OTUD6A: variants seen among roughly 807,000 people sequenced by gnomAD.
OTUD6A encodes the protein OTU deubiquitinase 6A.
For synonymous variants in OTUD6A, 138 were observed against 120.2 expected (o/e 1.15, Z -0.97); for missense variants, 209 against 268.2 (o/e 0.78, Z 1.54).
rs780917824 is a variant in OTUD6A at position 70,062,535 on chromosome X, C to T, written c.11C>T (p.Pro4Leu). Residue 4 changes from proline to leucine, a missense_variant, in exon 1 of 1, where the codon CCG becomes CTG. Coordinates refer to ENST00000338352, the MANE Select transcript of OTUD6A (RefSeq NM_207320.3). MDD[P>L]KSEQQRILRR... is the part of the protein sequence containing the mutation. Reference sequence around the variant, plus strand: ...TTGCCATTCAACATCATGGATGATCCGAAGAGTGAACAGCAGCGCATACTG... The same window carrying T: ...TTGCCATTCAACATCATGGATGATCTGAAGAGTGAACAGCAGCGCATACTG... The T allele has an allele frequency of 1.7e-6, 2 of 1,206,252 alleles. No individual in the cohort carries two copies. Among genetic ancestry groups the T allele is most frequent in the Admixed American group, 4.4e-5 (2 of 45,299 alleles).
Position 70,062,865 on chromosome X carries a change from A to T in OTUD6A, c.341A>T (p.Gln114Leu). Residue 114 changes from glutamine to leucine, a missense_variant, in exon 1 of 1, where the codon CAG (glutamine) becomes CTG (leucine). By Grantham distance (113) the Gln-to-Leu change is moderately radical. Coordinates refer to ENST00000338352, the MANE Select transcript of OTUD6A (RefSeq NM_207320.3). ...AGGGAGCGCCAGGAGAGCATCTTCC[A>T]GGCTGAGATGTCGGAGCACCTGGCC... is the stretch of plus-strand genomic sequence containing the variant. ...EERERQESIFQAEMSEHLAGF... is the reference protein window; with the variant it reads ...EERERQESIFLAEMSEHLAGF... 8.4e-7 allele frequency: 1 copy of T among 1,191,790 alleles called. No homozygotes were observed. Among genetic ancestry groups the T allele is most frequent in the Non-Finnish European group, 1.1e-6 (1 of 885,630 alleles).
In OTUD6A at chrX:70,062,794, C is replaced by T; in HGVS notation, c.270C>T (p.Arg90=). 1 of 1,207,806 alleles carries T rather than the reference C, an allele frequency of 8.3e-7. No homozygotes were observed. Among genetic ancestry groups the T allele is most frequent in the Non-Finnish European group, 1.1e-6 (1 of 893,605 alleles). The part of the protein sequence containing the change: ...AKMNLENRPP[R]SSKAHRKRER... Reference sequence around the variant, plus strand: ...TGAATCTGGAAAACCGGCCTCCCCGCTCCTCCAAAGCCCACAGAAAGAGAG... The same window carrying T: ...TGAATCTGGAAAACCGGCCTCCCCGTTCCTCCAAAGCCCACAGAAAGAGAG... The change falls in exon 1 of 1, where the codon CGC becomes CGT. Residue 90 remains arginine (R), a synonymous_variant. Coordinates refer to ENST00000338352, the MANE Select transcript of OTUD6A (RefSeq NM_207320.3).
In OTUD6A at chrX:70,063,035, C is replaced by T. The variant is rs1602637072; in HGVS notation, c.511C>T (p.Arg171Cys). The T allele has an allele frequency of 8.3e-7, 1 of 1,210,124 alleles. No homozygotes were observed. Among genetic ancestry groups the T allele is most frequent in the South Asian group, 1.8e-5 (1 of 56,686 alleles). Residue 171 changes from arginine to cysteine, a missense_variant, in exon 1 of 1, where the codon CGC (arginine) becomes TGC (cysteine). Coordinates refer to ENST00000338352, the MANE Select transcript of OTUD6A (RefSeq NM_207320.3). ...GTTCAGCGTGTCTGTGGAGATGCTGCGCTGCCGCACCGCCAGCTACATGAA... is the reference window on the plus strand; with the variant it reads ...GTTCAGCGTGTCTGTGGAGATGCTGTGCTGCCGCACCGCCAGCTACATGAA... ...LVFSVSVEML[R>C]CRTASYMKKH...
chrX:70,063,038 T>C lies in OTUD6A; in HGVS notation c.514T>C (p.Cys172Arg), dbSNP rs1337732570. 2 of 1,211,686 alleles carry C rather than the reference T, an allele frequency of 1.7e-6. No individual in the cohort carries two copies. The highest frequency in any genetic ancestry group is 2.2e-6 in the Non-Finnish European group (2 of 895,490). Residue 172 changes from cysteine to arginine, a missense_variant, in exon 1 of 1, where the codon TGC (cysteine) becomes CGC (arginine). By Grantham distance (180) the Cys-to-Arg change is radical. Transcript: ENST00000338352. ...VFSVSVEMLRCRTASYMKKHV... is the reference protein window; with the variant it reads ...VFSVSVEMLRRRTASYMKKHV... ...CAGCGTGTCTGTGGAGATGCTGCGCTGCCGCACCGCCAGCTACATGAAGAA... is the reference window on the plus strand; with the variant it reads ...CAGCGTGTCTGTGGAGATGCTGCGCCGCCGCACCGCCAGCTACATGAAGAA...
rs756871870 is a variant in OTUD6A, at chrX:70,062,666, G to T, written c.142G>T (p.Val48Leu). The change falls in exon 1 of 1, where the codon GTG becomes TTG. Residue 48 changes from valine (V) to leucine (L), a missense_variant. Val to Leu is a conservative substitution (Grantham distance 32). Transcript: ENST00000338352. ...GAAAAGAAAGCAGTTGCTCCAAGAC[G>T]TGGCCCGCATGGAGGCCGAGATGGC... ...KTKRKQLLQD[V>L]ARMEAEMAQK... 7.4e-5 allele frequency: 90 copies of T among 1,209,932 alleles called. No homozygotes were observed. The highest frequency in any genetic ancestry group is 9.4e-5 in the Non-Finnish European group (84 of 895,110).
At position 70,063,100 on chromosome X, in the gene OTUD6A, C is replaced by T. The variant is rs377623358; in HGVS notation, c.576C>T (p.Pro192=). Residue 192 remains proline (P), a synonymous_variant, in exon 1 of 1, where the codon CCC becomes CCT. Transcript: ENST00000338352. ...VDEFLPFFSN[P]ETSDSFGYDD... ...AGTTCCTGCCCTTCTTCAGCAACCC[C>T]GAGACCAGCGACTCCTTCGGCTACG... 4 of 1,210,077 alleles carry T rather than the reference C, an allele frequency of 3.3e-6. No individual in the cohort carries two copies. The African/African-American group carries it at 7.0e-5, about 21-fold the overall frequency.
Position 70,062,923 on chromosome X carries a change from C to T in OTUD6A, c.399C>T (p.Ala133=), listed in dbSNP as rs533041517. The change falls in exon 1 of 1, where the codon GCC becomes GCT. Residue 133 remains alanine (A), a synonymous_variant. Transcript: ENST00000338352. The part of the protein sequence containing the change: ...GFKREEEEKL[A]AILGARGLEM... The stretch of plus-strand genomic sequence containing the variant: ...AGCGCGAGGAGGAGGAGAAGCTCGC[C>T]GCCATCCTGGGAGCCAGGGGTCTGG... 1.9e-4 allele frequency: 224 copies of T among 1,190,013 alleles called. 2 individuals carry two copies. In the South Asian group the frequency reaches 3.6e-3, roughly 19 times the overall value.
Position 70,062,857 on chromosome X carries a change from C to T in OTUD6A, c.333C>T (p.Ser111=). The change falls in exon 1 of 1, where the codon AGC becomes AGT. Residue 111 remains serine (S), a synonymous_variant. Transcript: ENST00000338352. ...MESEERERQE[S]IFQAEMSEHL... ...CCGAGGAGAGGGAGCGCCAGGAGAG[C>T]ATCTTCCAGGCTGAGATGTCGGAGC... 2 of 1,193,596 alleles carry T rather than the reference C, an allele frequency of 1.7e-6. No individual in the cohort carries two copies. The highest frequency in any genetic ancestry group is 2.3e-6 in the Non-Finnish European group (2 of 886,591).
chrX:70,063,016 C>G lies in OTUD6A; in HGVS notation c.492C>G (p.Ser164Arg). 6.6e-6 allele frequency: 8 copies of G among 1,211,500 alleles called. No homozygotes were observed. The highest frequency in any genetic ancestry group is 8.9e-6 in the Non-Finnish European group (8 of 895,356). The change falls in exon 1 of 1, where the codon AGC (serine) becomes AGG (arginine). Residue 164 changes from serine to arginine, a missense_variant. Physicochemically the swap from Ser to Arg is moderately radical, Grantham distance 110 (BLOSUM62 -1). Transcript: ENST00000338352. ...CCATCCAAGACCAGCTGGTGTTCAG[C>G]GTGTCTGTGGAGATGCTGCGCTGCC... is the stretch of plus-strand genomic sequence containing the variant. ...YRAIQDQLVF[S>R]VSVEMLRCRT...
At position 70,062,888 on chromosome X, in the gene OTUD6A, G is replaced by T; in HGVS notation, c.364G>T (p.Ala122Ser). Residue 122 changes from alanine to serine, a missense_variant, in exon 1 of 1, where the codon GCC (alanine) becomes TCC (serine). Coordinates refer to ENST00000338352, the MANE Select transcript of OTUD6A (RefSeq NM_207320.3). The stretch of plus-strand genomic sequence containing the variant: ...CCAGGCTGAGATGTCGGAGCACCTG[G>T]CCGGCTTCAAGCGCGAGGAGGAGGA... ...IFQAEMSEHLAGFKREEEEKL... is the reference protein window; with the variant it reads ...IFQAEMSEHLSGFKREEEEKL... 1 of 1,188,077 alleles carries T rather than the reference G, an allele frequency of 8.4e-7. No individual in the cohort carries two copies. Among genetic ancestry groups the T allele is most frequent in the Non-Finnish European group, 1.1e-6 (1 of 883,812 alleles).
In OTUD6A at chrX:70,062,552, C is replaced by T. The variant is rs772262444; in HGVS notation, c.28C>T (p.Arg10Cys). The T allele has an allele frequency of 1.7e-6, 2 of 1,207,983 alleles. No homozygotes were observed. The highest frequency in any genetic ancestry group is 5.9e-5 in the East Asian group (2 of 33,760). Residue 10 changes from arginine (R) to cysteine (C), a missense_variant, in exon 1 of 1, where the codon CGC becomes TGC. Transcript: ENST00000338352. MDDPKSEQQ[R>C]ILRRHQRERQ... ...GGATGATCCGAAGAGTGAACAGCAGCGCATACTGCGCCGCCACCAACGCGA... is the reference window on the plus strand; with the variant it reads ...GGATGATCCGAAGAGTGAACAGCAGTGCATACTGCGCCGCCACCAACGCGA...
Position 70,063,507 on chromosome X carries a change from A to C in OTUD6A, c.*116A>C. The C allele has an allele frequency of 1.1e-6, 1 of 926,028 alleles. No homozygotes were observed. The allele number at this position is 926,028 out of a possible 1,213,427, so 76.3% of individuals were successfully genotyped here. On this transcript the variant is annotated 3_prime_UTR_variant, in exon 1 of 1. Coordinates refer to ENST00000338352, the MANE Select transcript of OTUD6A (RefSeq NM_207320.3). ...GTTTTTCTTTTCCTTCCTTTTAATCAAAACTACCCGCCCCCGCCCCGCCCC... is the reference window on the plus strand; with the variant it reads ...GTTTTTCTTTTCCTTCCTTTTAATCCAAACTACCCGCCCCCGCCCCGCCCC...
Position 70,062,848 on chromosome X carries a change from C to T in OTUD6A, c.324C>T (p.Arg108=). ...RERMESEERE[R]QESIFQAEMS... ...GAATGGAGTCCGAGGAGAGGGAGCG[C>T]CAGGAGAGCATCTTCCAGGCTGAGA... Residue 108 remains arginine (R), a synonymous_variant, in exon 1 of 1, where the codon CGC becomes CGT. Coordinates refer to ENST00000338352, the MANE Select transcript of OTUD6A (RefSeq NM_207320.3). 1 of 1,195,449 alleles carries T rather than the reference C, an allele frequency of 8.4e-7. No individual in the cohort carries two copies. Among genetic ancestry groups the T allele is most frequent in the Non-Finnish European group, 1.1e-6 (1 of 887,397 alleles).
Position 70,062,633 on chromosome X carries a change from G to A in OTUD6A, c.109G>A (p.Asp37Asn), listed in dbSNP as rs760055968. The change falls in exon 1 of 1, where the codon GAC (aspartate) becomes AAC (asparagine). Residue 37 changes from aspartate (D) to asparagine (N), a missense_variant. Coordinates refer to ENST00000338352, the MANE Select transcript of OTUD6A (RefSeq NM_207320.3). ...CTTAAAAAACTCGGTCCCCAAGACC[G>A]ACAAGACGAAAAGAAAGCAGTTGCT... ...RSLKNSVPKT[D>N]KTKRKQLLQD... 3.3e-6 allele frequency: 4 copies of A among 1,210,634 alleles called. No homozygotes were observed. Among genetic ancestry groups the A allele is most frequent in the Non-Finnish European group, 4.5e-6 (4 of 894,930 alleles).
chrX:70,063,155 G>A lies in OTUD6A; in HGVS notation c.631G>A (p.Val211Met). The A allele has an allele frequency of 1.7e-6, 2 of 1,211,311 alleles. No homozygotes were observed. Among genetic ancestry groups the A allele is most frequent in the East Asian group, 3.0e-5 (1 of 33,830 alleles). The change falls in exon 1 of 1, where the codon GTG becomes ATG. Residue 211 changes from valine to methionine, a missense_variant. Coordinates refer to ENST00000338352, the MANE Select transcript of OTUD6A (RefSeq NM_207320.3). ...CTTCATGATCTACTGCGACAACATCGTGCGCACCACGGCATGGGGAGGCCA... is the reference window on the plus strand; with the variant it reads ...CTTCATGATCTACTGCGACAACATCATGCGCACCACGGCATGGGGAGGCCA... ...DDFMIYCDNI[V>M]RTTAWGGQLE...
In OTUD6A at chrX:70,062,536, G is replaced by A. The variant is rs750959542; in HGVS notation, c.12G>A (p.Pro4=). ...TGCCATTCAACATCATGGATGATCC[G>A]AAGAGTGAACAGCAGCGCATACTGC... MDD[P]KSEQQRILRR... Residue 4 remains proline, a synonymous_variant, in exon 1 of 1, where the codon CCG becomes CCA. Transcript: ENST00000338352. The A allele has an allele frequency of 5.0e-6, 6 of 1,205,799 alleles. No individual in the cohort carries two copies. Among genetic ancestry groups the A allele is most frequent in the South Asian group, 3.6e-5 (2 of 56,011 alleles).
chrX:70,063,429 G>A lies in OTUD6A; in HGVS notation c.*38G>A. ...TGAGCAGCCCCGGGAAACTGTCGCC[G>A]TCGCCGCATCTCCTCAGTAGGCTCA... On this transcript the variant is annotated 3_prime_UTR_variant, in exon 1 of 1. Transcript: ENST00000338352. 2.6e-6 allele frequency: 3 copies of A among 1,133,360 alleles called. No homozygotes were observed. Among genetic ancestry groups the A allele is most frequent in the Non-Finnish European group, 2.3e-6 (2 of 853,864 alleles). 93.4% of individuals were successfully genotyped at this position (1,133,360 alleles called of 1,213,427 possible).
chrX:70,062,482 T>A lies in OTUD6A; in HGVS notation c.-43T>A. ...GAGGACTTCTGGTCTGTTCGGTACTTGAACTGCCAGCAAATTTCAACTCCC... is the reference window on the plus strand; with the variant it reads ...GAGGACTTCTGGTCTGTTCGGTACTAGAACTGCCAGCAAATTTCAACTCCC... On this transcript the variant is annotated 5_prime_UTR_variant, in exon 1 of 1. Coordinates refer to ENST00000338352, the MANE Select transcript of OTUD6A (RefSeq NM_207320.3). 1.7e-6 allele frequency: 2 copies of A among 1,180,108 alleles called. No homozygotes were observed. The highest frequency in any genetic ancestry group is 2.3e-6 in the Non-Finnish European group (2 of 879,084).
Position 70,063,275 on chromosome X carries a change from A to G in OTUD6A, c.751A>G (p.Lys251Glu), listed in dbSNP as rs776081025. The G allele has an allele frequency of 1.7e-6, 2 of 1,209,238 alleles. No homozygotes were observed. Among genetic ancestry groups the G allele is most frequent in the Non-Finnish European group, 2.2e-6 (2 of 895,107 alleles). Residue 251 changes from lysine (K) to glutamate (E), a missense_variant, in exon 1 of 1, where the codon AAG (lysine) becomes GAG (glutamate). By Grantham distance (56) the Lys-to-Glu change is moderately conservative (BLOSUM62 1). Transcript: ENST00000338352. ...CTTGATCATCGGGGAGGAGTACGTCAAGAAGCCGATCATCCTGGTCTACCT... is the reference window on the plus strand; with the variant it reads ...CTTGATCATCGGGGAGGAGTACGTCGAGAAGCCGATCATCCTGGTCTACCT... ...PTLIIGEEYVKKPIILVYLRY... is the reference protein window; with the variant it reads ...PTLIIGEEYVEKPIILVYLRY...
Sources: gnomAD v4.1 joint callset for allele counts on GRCh38, gnomAD v4.1.1 for gene constraint, MANE v1.5 for transcripts, NCBI Gene and HGNC (gene_info 2026-07-23, HGNC 2026-07-21) for gene names.